The following AAMDC variants were observed in gnomAD, a reference collection of about 807,000 sequenced individuals.
AAMDC encodes the protein mth938 domain-containing protein.
A neutral mutation model predicts 15.5 loss-of-function variants in AAMDC; 16 were observed. That is an observed-to-expected ratio of 1.03 (90% confidence interval 0.70 to 1.57). The LOEUF (loss-of-function observed/expected upper bound fraction) is 1.57. Ranked by LOEUF, AAMDC falls within the 40% of genes most tolerant of loss-of-function variation. The pLI, the probability that AAMDC is intolerant of heterozygous loss-of-function variation, is 0.00. For synonymous variants in AAMDC, 51 were observed against 51.6 expected (o/e 0.99, Z 0.05); for missense variants, 141 against 144.9 (o/e 0.97, Z 0.14).
intron 2 of AAMDC, among the ~76,000 whole-genome samples, chr11:77,852,239 AAAGAAG>A (rs1230304797): frequency 7.5e-6 from 1 of 133,838 alleles, no homozygotes; most frequent in Non-Finnish European, 1.6e-5. Context: ...AAAAAAAAAA[AAAGAAG>A]AAGAAGAAGA....
intron 1 of AAMDC, among the ~76,000 whole-genome samples, chr11:77,826,760 AACTC>A (rs1391917288): frequency 2.0e-5 from 3 of 152,336 alleles, no homozygotes; most frequent in Middle Eastern, 3.4e-3. Flanking sequence ...GAACTATGGA[AACTC>A]ACTCAAGAAC....
chr11:77,826,995 C>T (rs575619029), intron 1 of AAMDC, among the ~76,000 whole-genome samples: 5 of 152,168 alleles, frequency 3.3e-5, no homozygotes, highest in East Asian at 1.9e-4. Flanking sequence ...GTCCCTGCTA[C>T]GCAGGAGGCT....
At chr11:77,887,437 T>G (rs1952061752) in intron 5 of AAMDC, among the ~76,000 whole-genome samples, 1 of 152,096 alleles carries the variant, frequency 6.6e-6, no homozygotes, top group Non-Finnish European at 1.5e-5. Flanking sequence ...TAATAAGAGC[T>G]ATCTATGACA....
chr11:77,823,958 A>G (rs1216859461), intron 1 of AAMDC, among the ~76,000 whole-genome samples: 1 of 151,862 alleles, frequency 6.6e-6, no homozygotes, highest in Non-Finnish European at 1.5e-5. Flanking sequence ...TTCTTTTCTC[A>G]CTGCTCACAC....
At chr11:77,830,447 C>A (rs938768024) in intron 1 of AAMDC, among the ~76,000 whole-genome samples, 23 of 152,008 alleles carry the variant, frequency 1.5e-4, no homozygotes, top group Non-Finnish European at 5.9e-5. Flanking sequence ...GTCTTACAAA[C>A]CTGCCGTGAA....
intron 1 of AAMDC, among the ~76,000 whole-genome samples, chr11:77,826,234 T>C (rs983109369): frequency 5.9e-5 from 9 of 151,938 alleles, no homozygotes; most frequent in Admixed American, 4.6e-4. Context: ...TGGTGGTGCA[T>C]GCCTGTAGTC....
downstream of AAMDC, chr11:77,876,833 T>C (rs534825639): frequency 2.7e-4 from 164 of 598,418 alleles, no homozygotes; most frequent in African/African-American, 2.8e-3. Flanking sequence ...TTGGAGGATT[T>C]TTATAAAAGG....
At chr11:77,822,309 G>C (rs773277523) in intron 1 of AAMDC, among the ~76,000 whole-genome samples, 3 of 151,374 alleles carry the variant, frequency 2.0e-5, no homozygotes, top group Non-Finnish European at 4.4e-5. Context: ...GGAATCCTTG[G>C]GAGGCTGATG....
At chr11:77,837,825 A>G (rs1406677736) in intron 1 of AAMDC, among the ~76,000 whole-genome samples, 1 of 152,148 alleles carries the variant, frequency 6.6e-6, no homozygotes, top group Non-Finnish European at 1.5e-5. Context: ...GGAGGCTGAG[A>G]AGACAGATTG....
downstream of AAMDC, among the ~76,000 whole-genome samples, chr11:77,904,709 G>A (rs1171369195): frequency 6.6e-6 from 1 of 152,178 alleles, no homozygotes; most frequent in Non-Finnish European, 1.5e-5. Flanking sequence ...GTTGTAGTCA[G>A]AAAGCAGAAT....
At chr11:77,891,445 G>T in intron 5 of AAMDC, 1 of 1,613,832 alleles carries the variant, frequency 6.2e-7, no homozygotes, top group Non-Finnish European at 8.5e-7. Context: ...CGATGATGGT[G>T]GCTGAGGCTT....
At chr11:77,832,615 C>T (rs538215282) in intron 1 of AAMDC, among the ~76,000 whole-genome samples, 128 of 152,020 alleles carry the variant, frequency 8.4e-4, no homozygotes, top group Middle Eastern at 6.8e-3. Flanking sequence ...CATGAGCCAC[C>T]GCGCCTGGCC....
intron 5 of AAMDC, chr11:77,879,253 C>A (rs1221193538): frequency 3.1e-6 from 3 of 957,938 alleles, no homozygotes; most frequent in Non-Finnish European, 4.6e-6. Context: ...TCTACATTCC[C>A]TCCCCTTACC....
rs201315751 is a variant in AAMDC at position 77,869,731 on chromosome 11, G to C, written c.142G>C (p.Gly48Arg). The C allele has an allele frequency of 4.3e-5, 70 of 1,613,684 alleles. No homozygotes were observed. The highest frequency in any genetic ancestry group is 5.5e-5 in the Non-Finnish European group (65 of 1,179,814). ...CTCTTTCCACATCCAGCATTCTCCT[G>C]GTGTGCAGCCTGCAGATGTGAAGGA... is the stretch of plus-strand genomic sequence containing the variant. ...WRETGTEHSP[G>R]VQPADVKEVV... is the part of the protein sequence containing the mutation. Residue 48 changes from glycine to arginine, a missense_variant, in exon 3 of 4, where the codon GGT becomes CGT. Coordinates refer to ENST00000393427, the MANE Select transcript of AAMDC (RefSeq NM_024684.4).
chr11:77,854,424 A>G (rs1219100288), intron 2 of AAMDC, among the ~76,000 whole-genome samples: 2 of 152,246 alleles, frequency 1.3e-5, no homozygotes, highest in Non-Finnish European at 2.9e-5. Context: ...CCAAGATACA[A>G]TGGGGTTATA....
chr11:77,888,694 C>A (rs1952126278), intron 5 of AAMDC, among the ~76,000 whole-genome samples: 1 of 152,078 alleles, frequency 6.6e-6, no homozygotes. Flanking sequence ...GGGCTAATAT[C>A]CAGAATCTAC....
intron 2 of AAMDC, among the ~76,000 whole-genome samples, chr11:77,849,647 T>G (rs940102374): frequency 3.3e-5 from 5 of 151,968 alleles, no homozygotes; most frequent in African/African-American, 4.8e-5. Context: ...TTTTGTGTGT[T>G]TTTTTTTAAT....
At chr11:77,843,363 C>T (rs1298631518) in intron 2 of AAMDC, among the ~76,000 whole-genome samples, 11 of 152,154 alleles carry the variant, frequency 7.2e-5, no homozygotes, top group Admixed American at 2.6e-4. Flanking sequence ...TACCTTTTGA[C>T]CCCACTCACC....
At chr11:77,881,859 G>A (rs1951804997) in intron 5 of AAMDC, among the ~76,000 whole-genome samples, 1 of 151,422 alleles carries the variant, frequency 6.6e-6, no homozygotes, top group Non-Finnish European at 1.5e-5. Context: ...TTGTAATAGT[G>A]ACTGGGTAGC....
Sources: allele counts gnomAD v4.1 joint callset (sites outside exome capture counted in the v4.1 genomes callset), GRCh38; gene constraint gnomAD v4.1.1; transcripts MANE v1.5; gene names NCBI Gene and HGNC (gene_info 2026-07-23, HGNC 2026-07-21).